Variants in TLN1 observed in about 807,000 individuals in gnomAD.
TLN1 encodes talin 1, also known as talin-1.
Under a neutral mutation model 292.3 loss-of-function variants are expected in TLN1, and 56 were observed. The ratio of observed to expected loss-of-function variants is 0.19; its 90% CI spans 0.15 to 0.24. The LOEUF is 0.24. Among genes scored for constraint, TLN1 ranks in the 10% least tolerant of loss-of-function variants. The pLI, the probability that TLN1 is intolerant of heterozygous loss-of-function variation, is 1.00. For missense variants in TLN1, 2,433 were observed against 3,248.2 expected (o/e 0.75, Z 6.10); for synonymous variants, 1,119 against 1,253.7 (o/e 0.89, Z 2.27).
intron 1 of TLN1, among the ~76,000 whole-genome samples, chr9:35,727,069 C>A (rs182435864): frequency 2.0e-4 from 31 of 152,286 alleles, no homozygotes; most frequent in Admixed American, 1.6e-3. Flanking sequence ...TCTCAGCAGG[C>A]TAGAGGAGGC....
Position 35,720,931 on chromosome 9 carries a change from G to A in TLN1, c.1105-18C>T, listed in dbSNP as rs373264055. ...CCAAAATCCTAGGGTGACAAGTGGG[G>A]GACTCAGAGGGAAAGCTCAAATCTA... On this transcript the variant is annotated intron_variant, in intron 10 of 56. Coordinates refer to ENST00000314888, the MANE Select transcript of TLN1 (RefSeq NM_006289.4). The A allele has an allele frequency of 5.1e-6, 8 of 1,583,760 alleles. No homozygotes were observed. The highest frequency in any genetic ancestry group is 6.1e-6 in the Non-Finnish European group (7 of 1,152,676).
Position 35,724,913 on chromosome 9 carries a change from A to G in TLN1, c.275T>C (p.Met92Thr). Residue 92 changes from methionine (M) to threonine (T), a missense_variant, in exon 4 of 57, where the codon ATG becomes ACG. By Grantham distance (81) the Met-to-Thr change is moderately conservative (BLOSUM62 -1). Coordinates refer to ENST00000314888, the MANE Select transcript of TLN1 (RefSeq NM_006289.4). This position sits in a 1 kb window ranked among gnomAD's most constrained non-coding sequence, Gnocchi z 4.7. ...GATCGTCTTCACAGTTCCATCCAGC[A>G]TACGGATCTTCAGGGGTCTCTGTTT... ...RKKQRPLKIR[M>T]LDGTVKTIMV... 6.2e-7 allele frequency: 1 copy of G among 1,614,188 alleles called. No individual in the cohort carries two copies. Among genetic ancestry groups the G allele is most frequent in the Non-Finnish European group, 8.5e-7 (1 of 1,180,042 alleles).
chr9:35,722,703 G>A (rs1343832566), intron 8 of TLN1, among the ~76,000 whole-genome samples, 158 bp downstream of exon 8: 6 of 152,242 alleles, frequency 3.9e-5, no homozygotes, highest in Non-Finnish European at 7.3e-5. Flanking sequence ...AAAAGCCCAA[G>A]CTGTCTGCTT....
intron 20 of TLN1, among the ~76,000 whole-genome samples, chr9:35,715,824 A>G (rs560386600): frequency 1.3e-5 from 2 of 152,210 alleles, no homozygotes; most frequent in Non-Finnish European, 2.9e-5. Flanking sequence ...ATTAAAGGAC[A>G]CAAAATTATA....
rs1825380245 is a variant in TLN1 at position 35,697,096 on chromosome 9, TTG to T, written c.*693_*694del. 1 of 152,196 alleles carries T rather than the reference TTG, an allele frequency of 6.6e-6. No homozygotes were observed. The highest frequency in any genetic ancestry group is 6.5e-5 in the Admixed American group (1 of 15,284). The allele number at this position is 152,196 out of a possible 1,614,324, so 9.4% of individuals were successfully genotyped here. On this transcript the variant is annotated 3_prime_UTR_variant, in exon 57 of 57. Transcript: ENST00000314888. ...GTCCCAGCAGCAGCAGAACGACACT[TTG>T]TGAGGCTTAGGTGCTGGCCAGGGAG...
intron 11 of TLN1, 120 bp from the exon 12 acceptor site, chr9:35,720,629 CTTTTTTTT>C: frequency 1.2e-6 from 1 of 833,106 alleles, no homozygotes; most frequent in Non-Finnish European, 1.8e-6. Context: ...ATTTCTTTTT[CTTTTTTTT>C]TTTTTTTTGA....
Position 35,698,462 on chromosome 9 carries a change from G to C in TLN1, c.7232C>G (p.Ala2411Gly). ...GGCATGGCCTTGTACAGCTGCATTG[G>C]CTGCCTCACACAGATTGTTGGTGGC... The part of the protein sequence containing the change: ...AAATNNLCEA[A>G]NAAVQGHASQ... Residue 2411 changes from alanine to glycine, a missense_variant, in exon 55 of 57, where the codon GCC (alanine) becomes GGC (glycine). Around this residue, in one of 7 missense-constraint regions of TLN1, gnomAD observed 141 missense variants for 248.5 expected, o/e 0.57. Transcript: ENST00000314888. This position sits in a 1 kb window ranked among gnomAD's most constrained non-coding sequence, Gnocchi z 5.3. The C allele has an allele frequency of 6.2e-7, 1 of 1,613,976 alleles. No individual in the cohort carries two copies. Among genetic ancestry groups the C allele is most frequent in the Non-Finnish European group, 8.5e-7 (1 of 1,179,976 alleles).
rs769907194 is a variant in TLN1 at position 35,717,382 on chromosome 9, C to A, written c.2222G>T (p.Arg741Leu). Residue 741 changes from arginine to leucine, a missense_variant, in exon 19 of 57, where the codon CGA (arginine) becomes CTA (leucine). This residue lies in a region of TLN1 where 617 missense variants were observed against 770.6 expected (regional missense o/e 0.80). Transcript: ENST00000314888. This position sits in a 1 kb window ranked among gnomAD's most constrained non-coding sequence, Gnocchi z 4.7. ...GCCCTCCACGGCTTTGGCTACCAGT[C>A]GTCCAGCCTCCACCAGTTGCTCTTG... ...VCQEQLVEAGRLVAKAVEGCV... is the reference protein window; with the variant it reads ...VCQEQLVEAGLLVAKAVEGCV... The A allele has an allele frequency of 1.2e-6, 2 of 1,614,158 alleles. No homozygotes were observed. The highest frequency in any genetic ancestry group is 1.7e-6 in the Non-Finnish European group (2 of 1,180,032).
rs1267870858 is a variant in TLN1 at position 35,724,252 on chromosome 9, A to G, written c.594T>C (p.Phe198=). ...GGGAATCCACATTCTGGTCTGAGTAAAAGAACTTCCTCCGCAGCAGCAGCG... is the reference window on the plus strand; with the variant it reads ...GGGAATCCACATTCTGGTCTGAGTAGAAGAACTTCCTCCGCAGCAGCAGCG... ...HETLLLRRKF[F]YSDQNVDSRD... The change falls in exon 6 of 57, where the codon TTT becomes TTC. Residue 198 remains phenylalanine (F), a synonymous_variant. Transcript: ENST00000314888. The surrounding 1 kb of genome is among the most constrained non-coding windows in gnomAD (Gnocchi z 4.7). 1.2e-6 allele frequency: 2 copies of G among 1,614,140 alleles called. No homozygotes were observed. Among genetic ancestry groups the G allele is most frequent in the Admixed American group, 1.7e-5 (1 of 60,016 alleles).
Position 35,714,036 on chromosome 9 carries a change from C to T in TLN1, c.3166G>A (p.Val1056Met), listed in dbSNP as rs762725840. 1.2e-6 allele frequency: 2 copies of T among 1,614,218 alleles called. No individual in the cohort carries two copies. The highest frequency in any genetic ancestry group is 1.7e-6 in the Non-Finnish European group (2 of 1,180,022). The change falls in exon 25 of 57, where the codon GTG (valine) becomes ATG (methionine). Residue 1056 changes from valine to methionine, a missense_variant. Physicochemically the swap from Val to Met is conservative, Grantham distance 21. Transcript: ENST00000314888. This position sits in a 1 kb window ranked among gnomAD's most constrained non-coding sequence, Gnocchi z 4.6. ...GPLEMDSALSVVQNLEKDLQE... is the reference protein window; with the variant it reads ...GPLEMDSALSMVQNLEKDLQE... ...AGATCTTTCTCTAGATTCTGTACCA[C>T]ACTCAGTGCAGAATCCATCTCCAAA...
rs1825572945 is a variant in TLN1, at chr9:35,706,809, C to T, written c.5047G>A (p.Val1683Ile). ...TCACGGGGAGCAAGCTGCTGGCTGA[C>T]TGCAGCGAGGGAAGCCTGGTCTAGG... ...RDLDQASLAA[V>I]SQQLAPREGI... The change falls in exon 38 of 57, where the codon GTC becomes ATC. Residue 1683 changes from valine (V) to isoleucine (I), a missense_variant. Transcript: ENST00000314888. The surrounding 1 kb of genome is among the most constrained non-coding windows in gnomAD (Gnocchi z 4.2). 1 of 1,614,108 alleles carries T rather than the reference C, an allele frequency of 6.2e-7. No individual in the cohort carries two copies. The highest frequency in any genetic ancestry group is 1.1e-5 in the South Asian group (1 of 91,086).
At chr9:35,720,629 C>CT (rs372029210) in intron 11 of TLN1, 120 bp from the exon 12 acceptor site, 90,550 of 813,306 alleles carry the variant, frequency 0.11, 617 homozygotes, top group African/African-American at 0.19. Context: ...ATTTCTTTTT[C>CT]TTTTTTTTTT....
At position 35,717,520 on chromosome 9, in the gene TLN1, G is replaced by T; in HGVS notation, c.2164-80C>A. 1 of 1,576,528 alleles carries T rather than the reference G, an allele frequency of 6.3e-7. No homozygotes were observed. ...CTGCTCATAGCAGTAACTGGGATGG[G>T]TGAGGAGGCCTCCAGAGCCAAAGAA... On this transcript the variant is annotated intron_variant, in intron 18 of 56. Coordinates refer to ENST00000314888, the MANE Select transcript of TLN1 (RefSeq NM_006289.4). This position sits in a 1 kb window ranked among gnomAD's most constrained non-coding sequence, Gnocchi z 4.7.
In TLN1 at chr9:35,698,941, A is replaced by G. The variant is rs767009473; in HGVS notation, c.7000-8T>C. ...CAAGGACTCATCTGCCTCCTGCAAT[A>G]AGCGAAGGTTGCAGAAAGAGATGTA... On this transcript the variant is annotated splice_region_variant and splice_polypyrimidine_tract_variant and intron_variant, in intron 52 of 56. Coordinates refer to ENST00000314888, the MANE Select transcript of TLN1 (RefSeq NM_006289.4). This position sits in a 1 kb window ranked among gnomAD's most constrained non-coding sequence, Gnocchi z 5.3. 1.2e-6 allele frequency: 2 copies of G among 1,613,256 alleles called. No individual in the cohort carries two copies. Among genetic ancestry groups the G allele is most frequent in the African/African-American group, 1.3e-5 (1 of 75,040 alleles).
rs1825751218 is a variant in TLN1 at position 35,714,919 on chromosome 9, T to C, written c.2755-43A>G. 2 of 1,600,864 alleles carry C rather than the reference T, an allele frequency of 1.2e-6. No homozygotes were observed. Among genetic ancestry groups the C allele is most frequent in the Admixed American group, 1.7e-5 (1 of 59,534 alleles). ...GTCAGACCAAGCCCATGGATTCCCA[T>C]GCCCAGCCCAGTCCCTGGCCTACCT... On this transcript the variant is annotated intron_variant, in intron 21 of 56. Transcript: ENST00000314888. The surrounding 1 kb of genome is among the most constrained non-coding windows in gnomAD (Gnocchi z 4.6).
At chr9:35,703,168 G>A (rs1825496180) in intron 48 of TLN1, among the ~76,000 whole-genome samples, 1 of 152,158 alleles carries the variant, frequency 6.6e-6, no homozygotes, top group African/African-American at 2.4e-5. Flanking sequence ...AGCATGGTAT[G>A]CACCTGTATT....
Position 35,715,023 on chromosome 9 carries a change from A to G in TLN1, c.2754+36T>C, listed in dbSNP as rs554815497. 2.5e-5 allele frequency: 41 copies of G among 1,611,730 alleles called. 1 individual carries two copies. In the South Asian group the frequency reaches 4.0e-4, roughly 16 times the overall value. On this transcript the variant is annotated intron_variant, in intron 21 of 56. Coordinates refer to ENST00000314888, the MANE Select transcript of TLN1 (RefSeq NM_006289.4). ...AGTTCATTCCTCCCACAGCACCCAC[A>G]CTCTCTCTTGCTCCTGGTGAAACTC...
intron 1 of TLN1, among the ~76,000 whole-genome samples, chr9:35,727,016 A>G (rs1257274030): frequency 4.5e-4 from 68 of 152,164 alleles, no homozygotes; most frequent in Non-Finnish European, 1.5e-5. Flanking sequence ...GCAGCTCAGA[A>G]TACTAGTCCT....
chr9:35,703,784 G>A lies in TLN1; in HGVS notation c.6348C>T (p.Asn2116=). 1 of 1,614,232 alleles carries A rather than the reference G, an allele frequency of 6.2e-7. No homozygotes were observed. Residue 2116 remains asparagine (N), a synonymous_variant, in exon 47 of 57, where the codon AAC becomes AAT. Coordinates refer to ENST00000314888, the MANE Select transcript of TLN1 (RefSeq NM_006289.4). ...TCTCATTCTCTCCAACCTTGGCAGA[G>A]TTCTTTAGCTGCCACACAGCAGGGT... ...GDDPAVWQLK[N]SAKVMVTNVT...
Sources: gnomAD v4.1 joint callset for allele counts (sites outside exome capture counted in the v4.1 genomes callset) on GRCh38, gnomAD v4.1.1 for gene constraint, gnomAD v4.1.1 regional missense constraint, Gnocchi (gnomAD v3.1) non-coding constraint, MANE v1.5 for transcripts, NCBI Gene and HGNC (gene_info 2026-07-23, HGNC 2026-07-21) for gene names.